The following DAAM1 variants were observed in gnomAD, a reference collection of about 807,000 sequenced individuals.
DAAM1 encodes the protein dishevelled associated activator of morphogenesis 1, also known as disheveled-associated activator of morphogenesis 1.
DAAM1 carries 52 observed loss-of-function variants against 130.0 expected under a neutral mutation model. The observed-to-expected ratio is 0.40, with a 90% CI of 0.32 to 0.50. The LOEUF (loss-of-function observed/expected upper bound fraction) is 0.50, where lower values mean the gene tolerates loss of function less well. Ranked by LOEUF, DAAM1 falls within the 20% of genes least tolerant of loss-of-function variation. The probability of loss-of-function intolerance (pLI) is 0.61; values close to 1 mark genes in which losing one functional copy is unlikely to be tolerated. For missense variants in DAAM1, 1,134 were observed against 1,303.8 expected (o/e 0.87, Z 2.01); for synonymous variants, 452 against 444.5 (o/e 1.02, Z -0.21).
chr14:59,358,707 G>A (rs141134848), intron 20 of DAAM1, among the ~76,000 whole-genome samples: 1,750 of 152,190 alleles, frequency 0.011, 17 homozygotes, highest in Non-Finnish European at 0.018. Context: ...GCCGGGCATG[G>A]TGGCTGGCGC....
chr14:59,257,213 C>A lies in DAAM1; in HGVS notation c.-37-6228C>A, dbSNP rs568616160. Among the ~76,000 whole-genome samples, 3 of 152,104 alleles carry A rather than the reference C, an allele frequency of 2.0e-5. No homozygotes were observed. In the South Asian group the frequency reaches 6.3e-4, roughly 32 times the overall value. On this transcript the variant is annotated intron_variant, in intron 1 of 24. Transcript: ENST00000360909. ...CTGCAGACAACTATGGGAAGAACAC[C>A]CAGTCACGTATCTCTGACATTCAGA...
At chr14:59,246,639 A>G (rs1881393324) in intron 1 of DAAM1, among the ~76,000 whole-genome samples, 1 of 152,140 alleles carries the variant, frequency 6.6e-6, no homozygotes, top group Non-Finnish European at 1.5e-5. Context: ...TGTTTTCCAT[A>G]ATGGTTGTTC....
chr14:59,326,843 C>T, intron 11 of DAAM1, 90 bp from the exon 12 acceptor site: 2 of 1,563,834 alleles, frequency 1.3e-6, no homozygotes, highest in Non-Finnish European at 1.7e-6. Flanking sequence ...ATTTTCTCTG[C>T]AGTAGACTAT....
intron 1 of DAAM1, among the ~76,000 whole-genome samples, chr14:59,213,332 A>G (rs1888484474): frequency 7.6e-6 from 1 of 132,236 alleles, no homozygotes; most frequent in Non-Finnish European, 1.6e-5. Flanking sequence ...ATTTGTATAA[A>G]TGATTTCACA....
At chr14:59,284,180 A>G (rs1883344487) in intron 2 of DAAM1, among the ~76,000 whole-genome samples, 1 of 152,176 alleles carries the variant, frequency 6.6e-6, no homozygotes, top group South Asian at 2.1e-4. Flanking sequence ...AAAGAGGAAC[A>G]CTGGGAGGCT....
chr14:59,270,985 T>G (rs1882686222), intron 2 of DAAM1, among the ~76,000 whole-genome samples: 1 of 152,240 alleles, frequency 6.6e-6, no homozygotes, highest in Non-Finnish European at 1.5e-5. Flanking sequence ...GGAATCCATT[T>G]CATAGTTTTA....
rs146766144 is a variant in DAAM1 at position 59,323,924 on chromosome 14, C to T, written c.775-204C>T. 4.1e-3 allele frequency among the ~76,000 whole-genome samples: 614 copies of T among 151,372 alleles called. 5 individuals are homozygous for T. The highest frequency in any genetic ancestry group is 0.013 in the African/African-American group (533 of 41,214). On this transcript the variant is annotated intron_variant, in intron 6 of 24. Coordinates refer to ENST00000360909, the MANE Select transcript of DAAM1 (RefSeq NM_001270520.2). Reference sequence around the variant, plus strand: ...GTGGGCGCCTGTAGTCCCAGCTACTCGGGAGGCTGAGGCAAGAGAATGGCG... The same window carrying T: ...GTGGGCGCCTGTAGTCCCAGCTACTTGGGAGGCTGAGGCAAGAGAATGGCG...
At chr14:59,204,925 A>AT (rs1279504510) in intron 1 of DAAM1, among the ~76,000 whole-genome samples, 2 of 152,222 alleles carry the variant, frequency 1.3e-5, no homozygotes, top group Non-Finnish European at 2.9e-5. Context: ...ACTCACAAAT[A>AT]TGCTTCACGA....
chr14:59,245,496 A>G (rs1201660918), intron 1 of DAAM1, among the ~76,000 whole-genome samples: 1 of 152,188 alleles, frequency 6.6e-6, no homozygotes, highest in Non-Finnish European at 1.5e-5. Context: ...AATATTACCT[A>G]ATTAGACACT....
rs375661215 is a variant in DAAM1 at position 59,263,442 on chromosome 14, G to T, written c.-36G>T. ...CCATGTCATATCCTCTTTTTGCAGC[G>T]TTTAGTCACATCAAGAAATAGAACA... On this transcript the variant is annotated splice_region_variant and 5_prime_UTR_variant, in exon 2 of 25. Transcript: ENST00000360909. The T allele has an allele frequency of 6.2e-7, 1 of 1,611,924 alleles. No homozygotes were observed. Among genetic ancestry groups the T allele is most frequent in the Non-Finnish European group, 8.5e-7 (1 of 1,178,352 alleles).
At chr14:59,314,703 G>C (rs141541008) in intron 3 of DAAM1, among the ~76,000 whole-genome samples, 1,616 of 152,242 alleles carry the variant, frequency 0.011, 16 homozygotes, top group African/African-American at 0.036. Flanking sequence ...ACAGCATGAG[G>C]GCTGCGCCTG....
chr14:59,337,193 G>A (rs961231426), intron 15 of DAAM1, among the ~76,000 whole-genome samples: 2 of 152,142 alleles, frequency 1.3e-5, no homozygotes, highest in African/African-American at 2.4e-5. Context: ...AGTTCACTTC[G>A]CCATAGTCTT....
chr14:59,244,242 A>T (rs1302824144), intron 1 of DAAM1, among the ~76,000 whole-genome samples: 13 of 146,494 alleles, frequency 8.9e-5, no homozygotes, highest in South Asian at 6.5e-4. Context: ...CACTAAACCT[A>T]TTTTTTTTTT....
chr14:59,318,121 A>G (rs2139610524), intron 4 of DAAM1, among the ~76,000 whole-genome samples: 1 of 152,170 alleles, frequency 6.6e-6, no homozygotes, highest in East Asian at 1.9e-4. Flanking sequence ...AGTGAAAAAT[A>G]GTATAATAAA....
chr14:59,331,752 C>G (rs1885449770), intron 14 of DAAM1, 61 bp from the exon 15 acceptor site: 1 of 1,544,930 alleles, frequency 6.5e-7, no homozygotes, highest in Non-Finnish European at 8.8e-7. Flanking sequence ...TTTAAATAAC[C>G]ATCCCTGTTC....
intron 1 of DAAM1, among the ~76,000 whole-genome samples, chr14:59,228,777 A>G (rs1246124369): frequency 6.6e-6 from 1 of 152,108 alleles, no homozygotes; most frequent in Non-Finnish European, 1.5e-5. Flanking sequence ...TTCCTTGCCT[A>G]CCTTTTCCCT....
chr14:59,214,808 G>T (rs1332154557), intron 1 of DAAM1, among the ~76,000 whole-genome samples: 2 of 152,150 alleles, frequency 1.3e-5, no homozygotes, highest in Non-Finnish European at 2.9e-5. Context: ...CAACATTTGT[G>T]TTTAAGTATT....
At chr14:59,350,466 C>G (rs1482601914) in intron 17 of DAAM1, among the ~76,000 whole-genome samples, 1 of 150,102 alleles carries the variant, frequency 6.7e-6, no homozygotes, top group Non-Finnish European at 1.5e-5. Context: ...CCCTTACACA[C>G]ACACACACAC....
chr14:59,320,420 A>G (rs1379739943), intron 4 of DAAM1, 70 bp from the exon 5 acceptor site: 7 of 1,187,224 alleles, frequency 5.9e-6, no homozygotes, highest in Non-Finnish European at 8.4e-6. Context: ...AATAATCTGT[A>G]GGTTTGTCTT....
Sources: gnomAD v4.1 joint callset for allele counts (sites outside exome capture counted in the v4.1 genomes callset) on GRCh38, gnomAD v4.1.1 for gene constraint, MANE v1.5 for transcripts, NCBI Gene and HGNC (gene_info 2026-07-23, HGNC 2026-07-21) for gene names.